The following FBXO4 variants were observed in gnomAD, a reference collection of about 807,000 sequenced individuals.
FBXO4 encodes F-box protein 4.
A neutral mutation model predicts 43.7 loss-of-function variants in FBXO4; 36 were observed. The observed-to-expected ratio is 0.82, with a 90% CI of 0.63 to 1.09. The LOEUF is 1.09. Among genes scored for constraint, FBXO4 ranks in the 50% least tolerant of loss-of-function variants. The probability of loss-of-function intolerance (pLI) is 0.00; values close to 1 mark genes in which losing one functional copy is unlikely to be tolerated. For missense variants in FBXO4, 435 were observed against 474.1 expected (o/e 0.92, Z 0.77); for synonymous variants, 180 against 165.6 (o/e 1.09, Z -0.67).
intron 3 of FBXO4, among the ~76,000 whole-genome samples, chr5:41,932,601 G>T (rs1213616035): frequency 1.3e-5 from 2 of 152,218 alleles, no homozygotes; most frequent in Non-Finnish European, 1.5e-5. Flanking sequence ...TTCTTCATCT[G>T]AAGGGCAATG....
chr5:41,947,376 T>C, the FBXO4 span, among the ~76,000 whole-genome samples: 22 of 152,172 alleles, frequency 1.4e-4, no homozygotes, highest in Non-Finnish European at 2.2e-4. Context: ...TATACCAGTA[T>C]CCAAAGGAGA....
At chr5:41,999,569 A>G in the FBXO4 span, among the ~76,000 whole-genome samples, 4 of 138,838 alleles carry the variant, frequency 2.9e-5, no homozygotes, top group South Asian at 2.2e-4. Context: ...ATATGTATAT[A>G]TATATAGTAG....
At chr5:41,948,733 A>C in the FBXO4 span, among the ~76,000 whole-genome samples, 1 of 152,192 alleles carries the variant, frequency 6.6e-6, no homozygotes, top group Admixed American at 6.6e-5. Context: ...TGTATTTTCT[A>C]AGTAGATACA....
the FBXO4 span, among the ~76,000 whole-genome samples, chr5:41,966,946 T>G: frequency 6.6e-5 from 10 of 152,326 alleles, no homozygotes; most frequent in South Asian, 2.1e-3. Context: ...TGACCCTGCA[T>G]GATACTGTAA....
At chr5:42,012,958 T>A in the FBXO4 span, among the ~76,000 whole-genome samples, 4 of 152,142 alleles carry the variant, frequency 2.6e-5, no homozygotes, top group African/African-American at 9.7e-5. Context: ...CCACTTGTTC[T>A]CTATTAGTAC....
chr5:41,939,348 T>G, intron 5 of FBXO4, 93 bp from the exon 6 acceptor site: 3 of 1,181,174 alleles, frequency 2.5e-6, no homozygotes, highest in Non-Finnish European at 3.5e-6. Flanking sequence ...TCCTGGTAAA[T>G]TTTTGTTCCC....
chr5:41,995,347 A>G, the FBXO4 span, among the ~76,000 whole-genome samples: 3 of 152,166 alleles, frequency 2.0e-5, no homozygotes, highest in African/African-American at 7.2e-5. Context: ...CCTTTCTATG[A>G]TGGAAGAGGT....
the FBXO4 span, among the ~76,000 whole-genome samples, chr5:41,950,222 A>C: frequency 6.6e-6 from 1 of 152,224 alleles, no homozygotes; most frequent in Admixed American, 6.5e-5. Context: ...AATGGGATCT[A>C]GTTAAACTAA....
the FBXO4 span, among the ~76,000 whole-genome samples, chr5:41,999,474 T>C: frequency 4.7e-4 from 13 of 27,802 alleles, no homozygotes; most frequent in African/African-American, 9.1e-4. Flanking sequence ...TGTATATATA[T>C]ATACACATAT....
At chr5:41,980,078 TAGTCTTAAG>T in the FBXO4 span, among the ~76,000 whole-genome samples, 3 of 152,300 alleles carry the variant, frequency 2.0e-5, no homozygotes, top group Admixed American at 6.5e-5. Flanking sequence ...AATATAGGGA[TAGTCTTAAG>T]AGTCTTAAGA....
At chr5:42,036,483 G>T in the FBXO4 span, among the ~76,000 whole-genome samples, 2 of 151,994 alleles carry the variant, frequency 1.3e-5, no homozygotes, top group Non-Finnish European at 2.9e-5. Flanking sequence ...AAATAAAACG[G>T]GTCGTTAGCT....
the FBXO4 span, among the ~76,000 whole-genome samples, chr5:41,963,657 C>T: frequency 6.6e-6 from 1 of 152,124 alleles, no homozygotes; most frequent in East Asian, 1.9e-4. Flanking sequence ...AATATATTTA[C>T]TATCCATTAA....
the FBXO4 span, among the ~76,000 whole-genome samples, chr5:41,956,754 C>T: frequency 6.7e-6 from 1 of 149,668 alleles, no homozygotes; most frequent in African/African-American, 2.5e-5. Flanking sequence ...GCTCTGTCAC[C>T]CAGGCTGGAG....
chr5:41,953,011 T>C, the FBXO4 span, among the ~76,000 whole-genome samples: 1 of 152,156 alleles, frequency 6.6e-6, no homozygotes, highest in African/African-American at 2.4e-5. Context: ...TTCTTCTTAT[T>C]ATACTTTAAG....
At chr5:41,926,980 C>G in intron 1 of FBXO4, 33 bp from the exon 2 acceptor site, 1 of 1,405,090 alleles carries the variant, frequency 7.1e-7, no homozygotes, top group Non-Finnish European at 9.7e-7. Flanking sequence ...TTCTTCATTC[C>G]TTTTTCCTAC....
Position 41,927,062 on chromosome 5 carries a change from G to A in FBXO4, c.239G>A (p.Cys80Tyr). 2 of 1,613,650 alleles carry A rather than the reference G, an allele frequency of 1.2e-6. No homozygotes were observed. The highest frequency in any genetic ancestry group is 2.2e-5 in the East Asian group (1 of 44,796). ...TCCTTTCTTTCACCTCATGATCTGT[G>A]TCAGTTGGGAAGTACAAATCATTAT... ...ILSFLSPHDL[C>Y]QLGSTNHYWN... is the part of the protein sequence containing the mutation. The change falls in exon 2 of 7, where the codon TGT becomes TAT. Residue 80 changes from cysteine to tyrosine, a missense_variant. Transcript: ENST00000281623.
the FBXO4 span, among the ~76,000 whole-genome samples, chr5:41,988,119 G>A: frequency 2.0e-5 from 3 of 151,918 alleles, no homozygotes; most frequent in African/African-American, 4.8e-5. Context: ...GGTAACATGT[G>A]GGGGGGAGAG....
the FBXO4 span, among the ~76,000 whole-genome samples, chr5:41,951,118 T>C: frequency 6.6e-6 from 1 of 152,136 alleles, no homozygotes. Context: ...TGTAGATGAC[T>C]GGTTGACGGG....
the FBXO4 span, among the ~76,000 whole-genome samples, chr5:42,017,396 GTTTAT>G: frequency 1.9e-4 from 29 of 151,688 alleles, no homozygotes; most frequent in African/African-American, 6.3e-4. Flanking sequence ...TTTTAAGGTA[GTTTAT>G]TTTATTTTAT....
Sources: gnomAD v4.1 joint callset for allele counts (sites outside exome capture counted in the v4.1 genomes callset) on GRCh38, gnomAD v4.1.1 for gene constraint, MANE v1.5 for transcripts, NCBI Gene and HGNC (gene_info 2026-07-23, HGNC 2026-07-21) for gene names.